Variants in RBFOX1 observed in about 807,000 individuals in gnomAD.
RBFOX1 encodes RNA binding fox-1 homolog 1, also known as RNA binding protein fox-1 homolog 1.
A neutral mutation model predicts 57.7 loss-of-function variants in RBFOX1; 8 were observed. The observed-to-expected ratio is 0.14, with a 90% confidence interval of 0.08 to 0.25. RBFOX1 has a LOEUF of 0.25. Ranked by LOEUF, RBFOX1 falls within the 10% of genes least tolerant of loss-of-function variation. The pLI is 1.00. For synonymous variants in RBFOX1, 326 were observed against 222.4 expected, an observed-to-expected ratio of 1.47 and a Z score of -4.15; for missense variants, 611 against 548.5, an observed-to-expected ratio of 1.11 and a Z score of -1.14.
chr16:7,091,488 C>T (rs762365531), intron 4 of RBFOX1, among the ~76,000 whole-genome samples: 3 of 151,446 alleles, frequency 2.0e-5, no homozygotes, highest in South Asian at 2.1e-4. Flanking sequence ...TTATGCCAGG[C>T]GGCAGCATCT....
At chr16:7,209,225 C>T (rs894124767) in intron 4 of RBFOX1, among the ~76,000 whole-genome samples, 1 of 151,664 alleles carries the variant, frequency 6.6e-6, no homozygotes, top group South Asian at 2.1e-4. Flanking sequence ...ATGCCAGCTA[C>T]TTGGGAGACT....
At chr16:5,975,423 C>G (rs749020232) in intron 4 of RBFOX1, among the ~76,000 whole-genome samples, 16 of 152,152 alleles carry the variant, frequency 1.1e-4, no homozygotes, top group Non-Finnish European at 2.1e-4. Context: ...TACTCAAAAG[C>G]TCATCTGATA....
chr16:6,040,740 A>G (rs894800568), intron 1 of RBFOX1, among the ~76,000 whole-genome samples: 7 of 151,946 alleles, frequency 4.6e-5, no homozygotes, highest in African/African-American at 1.7e-4. Flanking sequence ...GATTACAGGC[A>G]CCCACCACCA....
chr16:6,715,503 T>G (rs2064619538), intron 3 of RBFOX1, among the ~76,000 whole-genome samples: 1 of 152,214 alleles, frequency 6.6e-6, no homozygotes, highest in Admixed American at 6.5e-5. Context: ...TAAGGAGCTT[T>G]GTGTCCCAAC....
At chr16:6,701,013 A>G (rs1376985055) in intron 3 of RBFOX1, among the ~76,000 whole-genome samples, 1 of 149,438 alleles carries the variant, frequency 6.7e-6, no homozygotes, top group Non-Finnish European at 1.5e-5. Flanking sequence ...AAAAGAAAGG[A>G]GTAGAGAGCA....
At chr16:7,412,806 G>A (rs1400377896) in intron 4 of RBFOX1, among the ~76,000 whole-genome samples, 1 of 152,186 alleles carries the variant, frequency 6.6e-6, no homozygotes, top group East Asian at 1.9e-4. Flanking sequence ...GCTCTGGGAG[G>A]CCGAGGCAGG....
chr16:6,375,902 A>G (rs148975577), intron 2 of RBFOX1, among the ~76,000 whole-genome samples: 1 of 152,150 alleles, frequency 6.6e-6, no homozygotes, highest in African/African-American at 2.4e-5. Context: ...TATCCTACAC[A>G]TGTCTTTCTG....
intron 1 of RBFOX1, among the ~76,000 whole-genome samples, chr16:6,158,805 C>T (rs547051564): frequency 4.6e-5 from 7 of 152,142 alleles, no homozygotes; most frequent in African/African-American, 1.4e-4. Flanking sequence ...GGAGAGGGCA[C>T]GTCTGGGAAT....
At chr16:6,036,944 G>C (rs1008245599) in intron 1 of RBFOX1, among the ~76,000 whole-genome samples, 2 of 151,406 alleles carry the variant, frequency 1.3e-5, no homozygotes, top group Admixed American at 1.3e-4. Flanking sequence ...AAGGAAAAAG[G>C]ATACTACAGC....
intron 2 of RBFOX1, among the ~76,000 whole-genome samples, chr16:6,625,364 A>G (rs978840397): frequency 1.3e-5 from 2 of 152,142 alleles, no homozygotes; most frequent in African/African-American, 4.8e-5. Context: ...GGTTTGAGAC[A>G]ACAACAATTT....
intron 3 of RBFOX1, among the ~76,000 whole-genome samples, chr16:5,644,258 G>T (rs1028550244): frequency 6.6e-6 from 1 of 152,180 alleles, no homozygotes; most frequent in African/African-American, 2.4e-5. Flanking sequence ...GGTTAAGGCT[G>T]TATATGAAGG....
chr16:6,727,048 T>TG lies in RBFOX1; in HGVS notation c.-16+72399dup, dbSNP rs1441933764. 2.5e-4 allele frequency among the ~76,000 whole-genome samples: 3 copies of TG among 11,800 alleles called. No homozygotes were observed. The East Asian group carries it at 0.029, about 116-fold the overall frequency. The allele number at this position is 11,800 out of a possible 152,430, so 7.7% of individuals were successfully genotyped here. A position where few individuals can be genotyped will look rare whatever the true frequency, so the allele number is the denominator to read the frequency against. ...CCTCATGACCTTCAGGTATTTGGAC[T>TG]GAACACACACACACACAGACACAGA... On this transcript the variant is annotated intron_variant, in intron 3 of 15. Coordinates refer to ENST00000550418, the MANE Select transcript of RBFOX1 (RefSeq NM_018723.4).
intron 4 of RBFOX1, among the ~76,000 whole-genome samples, chr16:7,180,477 C>T (rs1044950926): frequency 1.1e-4 from 17 of 152,154 alleles, no homozygotes; most frequent in Admixed American, 7.2e-4. Context: ...AGAAAGTCTA[C>T]ACCACGTTTA....
intron 2 of RBFOX1, among the ~76,000 whole-genome samples, chr16:6,546,212 T>C (rs1008638250): frequency 6.6e-6 from 1 of 152,210 alleles, no homozygotes; most frequent in Non-Finnish European, 1.5e-5. Flanking sequence ...GGTAGGGTCA[T>C]GATTCATGAA....
intron 2 of RBFOX1, among the ~76,000 whole-genome samples, chr16:5,474,382 G>C (rs565512917): frequency 6.6e-6 from 1 of 152,218 alleles, no homozygotes; most frequent in Non-Finnish European, 1.5e-5. Context: ...GGCTAGGCGC[G>C]ATGGCTCACT....
intron 2 of RBFOX1, among the ~76,000 whole-genome samples, chr16:5,515,778 G>T (rs765295530): frequency 2.6e-5 from 4 of 152,166 alleles, no homozygotes; most frequent in African/African-American, 9.7e-5. Context: ...CTCTTGAAAA[G>T]TACCATGCCA....
intron 2 of RBFOX1, among the ~76,000 whole-genome samples, chr16:6,393,039 C>T (rs763021742): frequency 6.6e-6 from 1 of 152,158 alleles, no homozygotes; most frequent in Non-Finnish European, 1.5e-5. Flanking sequence ...GAACAATAGG[C>T]TGGGACACTG....
At chr16:6,608,786 A>G (rs756510574) in intron 2 of RBFOX1, among the ~76,000 whole-genome samples, 2 of 152,202 alleles carry the variant, frequency 1.3e-5, no homozygotes, top group Non-Finnish European at 2.9e-5. Flanking sequence ...ACAAACAAAA[A>G]CAGAAGTTGG....
intron 3 of RBFOX1, among the ~76,000 whole-genome samples, chr16:6,936,406 G>C (rs2077368372): frequency 6.6e-6 from 1 of 152,154 alleles, no homozygotes; most frequent in Non-Finnish European, 1.5e-5. Flanking sequence ...GTGAGTTTGT[G>C]AAATGTAGAT....
Sources: allele counts gnomAD v4.1 joint callset (sites outside exome capture counted in the v4.1 genomes callset), GRCh38; gene constraint gnomAD v4.1.1; transcripts MANE v1.5; gene names NCBI Gene and HGNC (gene_info 2026-07-23, HGNC 2026-07-21).